Variants in CSMD1 observed in about 807,000 individuals in gnomAD.
CSMD1 encodes CUB and sushi domain-containing protein 1.
CSMD1 carries 213 observed loss-of-function variants against 417.5 expected under a neutral mutation model. The observed-to-expected ratio is 0.51, with a 90% CI of 0.46 to 0.57. The LOEUF is 0.57. CSMD1 is among the 20% of genes least tolerant of loss of function. The pLI is 0.00. For synonymous variants in CSMD1, 2,862 were observed against 1,736.8 expected (o/e 1.65, Z -16.11); for missense variants, 6,923 against 4,529.7 (o/e 1.53, Z -15.17).
chr8:3,712,245 G>T (rs182801668), intron 6 of CSMD1, among the ~76,000 whole-genome samples: 2 of 152,056 alleles, frequency 1.3e-5, no homozygotes, highest in African/African-American at 2.4e-5. Context: ...GGGTCCACCC[G>T]GTGTCTGGAC....
At chr8:4,115,390 T>C (rs992884447) in intron 3 of CSMD1, among the ~76,000 whole-genome samples, 2 of 152,250 alleles carry the variant, frequency 1.3e-5, no homozygotes, top group Non-Finnish European at 2.9e-5. Context: ...AATTTTCATA[T>C]GCACTAAGCC....
intron 4 of CSMD1, among the ~76,000 whole-genome samples, chr8:4,016,699 C>T (rs762040996): frequency 3.8e-4 from 58 of 152,318 alleles, no homozygotes; most frequent in Non-Finnish European, 7.2e-4. Context: ...TAGATTTAGC[C>T]TTTAAGTAAC....
At chr8:4,576,848 T>A (rs879378392) in intron 2 of CSMD1, among the ~76,000 whole-genome samples, 7 of 152,182 alleles carry the variant, frequency 4.6e-5, no homozygotes, top group Admixed American at 1.3e-4. Context: ...TTCATGTACA[T>A]TTCCACAAAT....
At chr8:3,474,253 A>C (rs998359296) in intron 11 of CSMD1, among the ~76,000 whole-genome samples, 1 of 152,168 alleles carries the variant, frequency 6.6e-6, no homozygotes, top group African/African-American at 2.4e-5. Context: ...AATGAATATA[A>C]ATCGTCAAAT....
At chr8:4,919,725 G>T (rs1326928791) in intron 1 of CSMD1, among the ~76,000 whole-genome samples, 1 of 152,170 alleles carries the variant, frequency 6.6e-6, no homozygotes, top group South Asian at 2.1e-4. Context: ...CAATGTGATA[G>T]TATTGGAAGC....
chr8:4,578,852 A>T (rs1476360315), intron 2 of CSMD1, among the ~76,000 whole-genome samples: 3 of 150,970 alleles, frequency 2.0e-5, no homozygotes, highest in Non-Finnish European at 4.4e-5. Flanking sequence ...TACAAGCAGA[A>T]ATGGCGGCAT....
chr8:3,098,002 T>A (rs972656563), intron 46 of CSMD1, among the ~76,000 whole-genome samples: 11 of 152,206 alleles, frequency 7.2e-5, no homozygotes, highest in Non-Finnish European at 1.5e-5. Context: ...TCCAGTTTAA[T>A]CAACATAAAA....
chr8:3,530,807 G>A (rs929541871), intron 10 of CSMD1, among the ~76,000 whole-genome samples: 1 of 151,550 alleles, frequency 6.6e-6, no homozygotes, highest in African/African-American at 2.4e-5. Flanking sequence ...ACTATTACAG[G>A]CATGAGCCAC....
chr8:3,784,244 T>C (rs1475066562), intron 5 of CSMD1, among the ~76,000 whole-genome samples: 1 of 152,202 alleles, frequency 6.6e-6, no homozygotes, highest in Non-Finnish European at 1.5e-5. Flanking sequence ...GATGTGTAAA[T>C]AAATGTCCAA....
chr8:3,380,909 G>T (rs898213326), intron 18 of CSMD1, among the ~76,000 whole-genome samples: 1 of 151,744 alleles, frequency 6.6e-6, no homozygotes, highest in Admixed American at 6.6e-5. Context: ...AAAAAGTTTT[G>T]GTTAGATAGT....
At chr8:4,080,920 T>C (rs2130812122) in intron 3 of CSMD1, among the ~76,000 whole-genome samples, 1 of 152,294 alleles carries the variant, frequency 6.6e-6, no homozygotes, top group East Asian at 1.9e-4. Flanking sequence ...GCAGGGCCTT[T>C]GTGAGGTGAT....
intron 6 of CSMD1, among the ~76,000 whole-genome samples, chr8:3,750,015 A>T (rs761547831): frequency 6.6e-6 from 1 of 152,158 alleles, no homozygotes; most frequent in Non-Finnish European, 1.5e-5. Flanking sequence ...TTCTACCAAT[A>T]GTGCAAAAAA....
At chr8:2,974,302 C>A (rs552077350) in intron 56 of CSMD1, 149 bp downstream of exon 56, 8 of 658,246 alleles carry the variant, frequency 1.2e-5, no homozygotes, top group East Asian at 2.9e-5. Context: ...ATAAGAGCGG[C>A]GTATTTGGCT....
At chr8:4,276,313 T>C (rs61534638) in intron 3 of CSMD1, among the ~76,000 whole-genome samples, 4,354 of 152,316 alleles carry the variant, frequency 0.029, 210 homozygotes, top group African/African-American at 0.1. Context: ...GATCAGTTAA[T>C]GTCCTTTGCA....
chr8:3,480,322 A>T (rs1157506109), intron 11 of CSMD1, among the ~76,000 whole-genome samples: 2 of 152,218 alleles, frequency 1.3e-5, no homozygotes, highest in Non-Finnish European at 2.9e-5. Flanking sequence ...AGATCGTGCC[A>T]CTGCACTCCA....
At chr8:4,093,791 T>C (rs991011113) in intron 3 of CSMD1, among the ~76,000 whole-genome samples, 2 of 152,112 alleles carry the variant, frequency 1.3e-5, no homozygotes, top group African/African-American at 4.8e-5. Context: ...TGAAATCCCA[T>C]ATCTACTAAA....
intron 3 of CSMD1, among the ~76,000 whole-genome samples, chr8:4,371,055 C>G (rs11136735): frequency 0.71 from 108,455 of 152,154 alleles, 39,481 homozygotes; most frequent in African/African-American, 0.88. Context: ...GAAGGCTAAT[C>G]ATCATTTCCC....
At chr8:3,731,968 G>C (rs6994777) in intron 6 of CSMD1, among the ~76,000 whole-genome samples, 12,099 of 152,162 alleles carry the variant, frequency 0.08, 515 homozygotes, top group Middle Eastern at 0.11. Flanking sequence ...GGCTCTCACT[G>C]AACTCAGCAG....
intron 5 of CSMD1, among the ~76,000 whole-genome samples, chr8:3,763,450 C>T (rs1531742): frequency 0.99 from 150,841 of 152,102 alleles, 74,802 homozygotes; most frequent in East Asian, 1. Flanking sequence ...GAGCCTAGCA[C>T]TCCCCCCTCT....
Sources: gnomAD v4.1 joint callset for allele counts (sites outside exome capture counted in the v4.1 genomes callset) on GRCh38, gnomAD v4.1.1 for gene constraint, MANE v1.5 for transcripts, NCBI Gene and HGNC (gene_info 2026-07-23, HGNC 2026-07-21) for gene names.